Variants in REL observed in about 807,000 individuals in gnomAD.
The protein encoded by REL is proto-oncogene c-Rel.
A neutral mutation model predicts 45.9 loss-of-function variants in REL; 15 were observed. The ratio of observed to expected loss-of-function variants is 0.33; its 90% CI spans 0.22 to 0.50. REL has a LOEUF of 0.50. Ranked by LOEUF, REL falls within the 20% of genes least tolerant of loss-of-function variation. REL has a pLI of 0.98. For synonymous variants in REL, 239 were observed against 242.1 expected (o/e 0.99, Z 0.12); for missense variants, 601 against 715.2 (o/e 0.84, Z 1.82).
chr2:60,886,921 G>A (rs891398582), intron 1 of REL, among the ~76,000 whole-genome samples: 2 of 152,120 alleles, frequency 1.3e-5, no homozygotes, highest in African/African-American at 2.4e-5. Context: ...TCAGAATATA[G>A]GGGTCAGTCC....
chr2:60,911,046 A>G (rs1258665261), intron 4 of REL, among the ~76,000 whole-genome samples: 2 of 152,218 alleles, frequency 1.3e-5, no homozygotes, highest in African/African-American at 2.4e-5. Flanking sequence ...ATTATCCTAA[A>G]TAAGAGAAAT....
At position 60,894,454 on chromosome 2, in the gene REL, C is replaced by A; in HGVS notation, c.211C>A (p.Pro71Thr). The change falls in exon 3 of 10, where the codon CCA (proline) becomes ACA (threonine). Residue 71 changes from proline to threonine, a missense_variant. By Grantham distance (38) the Pro-to-Thr change is conservative. This residue lies in a region of REL where 241 missense variants were observed against 347.0 expected (regional missense o/e 0.69). Coordinates refer to ENST00000394479, the MANE Select transcript of REL (RefSeq NM_001291746.2). ...VRITLVTKND[P>T]YKPHPHDLVG... The stretch of plus-strand genomic sequence containing the variant: ...AATTACATTAGTAACAAAGAATGAC[C>A]CATATAAACCTCATCCTCATGATTT... 6.3e-7 allele frequency: 1 copy of A among 1,593,776 alleles called. No individual in the cohort carries two copies.
Position 60,929,186 on chromosome 2 carries a change from G to A in REL, c.*6651G>A, listed in dbSNP as rs1291451776. On this transcript the variant is annotated 3_prime_UTR_variant, in exon 10 of 10. Transcript: ENST00000394479. ...TCAGGAGACAACAGGTGCTGGAGAG[G>A]ATGTGGAGAAATAGGAACACTTTTA... The A allele has an allele frequency of 1.3e-5, 2 of 150,714 alleles. No homozygotes were observed. The highest frequency in any genetic ancestry group is 3.0e-5 in the Non-Finnish European group (2 of 67,448). 9.3% of individuals were successfully genotyped at this position (150,714 alleles called of 1,614,324 possible).
intron 4 of REL, among the ~76,000 whole-genome samples, chr2:60,904,275 G>A (rs538130869): frequency 2.2e-4 from 34 of 151,852 alleles, no homozygotes; most frequent in African/African-American, 7.0e-4. Flanking sequence ...GGTGGCACGC[G>A]CCTGTAGTCC....
At chr2:60,906,832 T>C (rs1248798759) in intron 4 of REL, among the ~76,000 whole-genome samples, 1 of 149,362 alleles carries the variant, frequency 6.7e-6, no homozygotes, top group Non-Finnish European at 1.5e-5. Flanking sequence ...TGTGTGTGTG[T>C]GTATATATAT....
chr2:60,890,001 C>A (rs946320434), intron 1 of REL, among the ~76,000 whole-genome samples: 27 of 152,260 alleles, frequency 1.8e-4, no homozygotes, highest in African/African-American at 6.3e-4. Flanking sequence ...ATTTCTAGTT[C>A]TAGATCCCTG....
At chr2:60,893,404 G>A (rs1425378102) in intron 2 of REL, among the ~76,000 whole-genome samples, 1 of 152,086 alleles carries the variant, frequency 6.6e-6, no homozygotes, top group East Asian at 1.9e-4. Context: ...ATGTTAAAAT[G>A]GATGAGATGC....
At chr2:60,882,052 ATCCTGTTG>A in intron 1 of REL, among the ~76,000 whole-genome samples, 1 of 152,316 alleles carries the variant, frequency 6.6e-6, no homozygotes. Context: ...CTGTAATTCG[ATCCTGTTG>A]TCATAGCAGG....
chr2:60,917,704 G>A (rs1169567819), intron 5 of REL, among the ~76,000 whole-genome samples: 3 of 150,074 alleles, frequency 2.0e-5, no homozygotes, highest in Non-Finnish European at 3.0e-5. Flanking sequence ...GTGTGTGTGT[G>A]TGTGTGTGTG....
intron 4 of REL, among the ~76,000 whole-genome samples, chr2:60,906,751 A>G (rs1176940885): frequency 6.6e-6 from 1 of 150,636 alleles, no homozygotes; most frequent in African/African-American, 2.4e-5. Context: ...TTTCTTACTC[A>G]CCCTCCAAGT....
chr2:60,925,966 T>C lies in REL; in HGVS notation c.*3431T>C, dbSNP rs1674258647. On this transcript the variant is annotated 3_prime_UTR_variant, in exon 10 of 10. Coordinates refer to ENST00000394479, the MANE Select transcript of REL (RefSeq NM_001291746.2). ...CTGTGTGTAGAATATTCCCAATGGA[T>C]TTTTCATTTTTCAGGTGCTATTTTT... 4.4e-6 allele frequency: 1 copy of C among 226,018 alleles called. No homozygotes were observed. Among genetic ancestry groups the C allele is most frequent in the Non-Finnish European group, 8.8e-6 (1 of 113,268 alleles). The allele number at this position is 226,018 out of a possible 1,614,324, so 14.0% of individuals were successfully genotyped here.
intron 1 of REL, among the ~76,000 whole-genome samples, chr2:60,887,041 A>G (rs747404817): frequency 1.3e-5 from 2 of 152,182 alleles, no homozygotes; most frequent in Non-Finnish European, 2.9e-5. Flanking sequence ...AGGTTATCTT[A>G]GTTAAGAGTA....
rs781444204 is a variant in REL at position 60,921,891 on chromosome 2, C to T, written c.1120C>T (p.Pro374Ser). 4 of 1,613,980 alleles carry T rather than the reference C, an allele frequency of 2.5e-6. No individual in the cohort carries two copies. Among genetic ancestry groups the T allele is most frequent in the Admixed American group, 3.3e-5 (2 of 59,994 alleles). The change falls in exon 10 of 10, where the codon CCT (proline) becomes TCT (serine). Residue 374 changes from proline (P) to serine (S), a missense_variant. By Grantham distance (74) the Pro-to-Ser change is moderately conservative (BLOSUM62 -1). Around this residue, in one of 4 missense-constraint regions of REL, gnomAD observed 334 missense variants for 333.1 expected, o/e 1.00. Transcript: ENST00000394479. ...SGLSHHASMA[P>S]LPSSSWSSVA... ...ATTGTCACATCATGCCTCAATGGCA[C>T]CTCTGCCTTCTTCAAGCTGGTCATC...
At chr2:60,918,825 C>G (rs1372734696) in intron 7 of REL, among the ~76,000 whole-genome samples, 1 of 152,128 alleles carries the variant, frequency 6.6e-6, no homozygotes, top group Non-Finnish European at 1.5e-5. Flanking sequence ...CAGAGTCTCA[C>G]TGTCACCCAG....
chr2:60,908,506 TTTAA>T (rs772473689), intron 4 of REL, among the ~76,000 whole-genome samples: 3 of 152,234 alleles, frequency 2.0e-5, no homozygotes, highest in Non-Finnish European at 2.9e-5. Context: ...GGGTGAGGAA[TTTAA>T]TTAGGGACTC....
intron 1 of REL, among the ~76,000 whole-genome samples, chr2:60,890,775 A>G (rs1468895036): frequency 1.3e-5 from 2 of 152,186 alleles, no homozygotes; most frequent in African/African-American, 4.8e-5. Context: ...TCACAAGATA[A>G]TGTCCCCCCT....
At chr2:60,919,412 G>GT (rs1349680120) in intron 7 of REL, among the ~76,000 whole-genome samples, 1 of 146,792 alleles carries the variant, frequency 6.8e-6, no homozygotes, top group African/African-American at 2.7e-5. Flanking sequence ...TTTTTGTGGG[G>GT]TTTTTTTGTT....
intron 9 of REL, among the ~76,000 whole-genome samples, 163 bp downstream of exon 9, chr2:60,920,805 G>T (rs879906766): frequency 3.9e-5 from 6 of 152,130 alleles, no homozygotes; most frequent in Admixed American, 2.6e-4. Flanking sequence ...GGCTTCTGAA[G>T]GTTGTGTTAG....
chr2:60,916,782 C>T, intron 4 of REL, 95 bp from the exon 5 acceptor site: 1 of 724,992 alleles, frequency 1.4e-6, no homozygotes, highest in South Asian at 2.0e-5. Flanking sequence ...GGATGCTATT[C>T]AAGGTTATTG....
Sources: gnomAD v4.1 joint callset for allele counts (sites outside exome capture counted in the v4.1 genomes callset) on GRCh38, gnomAD v4.1.1 for gene constraint, gnomAD v4.1.1 regional missense constraint, MANE v1.5 for transcripts, NCBI Gene and HGNC (gene_info 2026-07-23, HGNC 2026-07-21) for gene names.